SCAF8: variants seen among roughly 807,000 people sequenced by gnomAD.
SCAF8 encodes the protein SR-related and CTD-associated factor 8.
A neutral mutation model predicts 140.5 loss-of-function variants in SCAF8; 23 were observed. The observed-to-expected ratio is 0.16, with a 90% CI of 0.12 to 0.23. The LOEUF (loss-of-function observed/expected upper bound fraction) is 0.23, where lower values mean the gene tolerates loss of function less well. SCAF8 is among the 10% of genes least tolerant of loss of function. SCAF8 has a pLI of 1.00. For synonymous variants in SCAF8, 575 were observed against 528.9 expected (o/e 1.09, Z -1.20); for missense variants, 1,397 against 1,555.7 (o/e 0.90, Z 1.72).
At chr6:154,760,229 G>A (rs1779068383) in intron 1 of SCAF8, among the ~76,000 whole-genome samples, 1 of 152,172 alleles carries the variant, frequency 6.6e-6, no homozygotes, top group African/African-American at 2.4e-5. Context: ...GGGTGGTGGA[G>A]GCTGCAGTGA....
chr6:154,745,730 C>T (rs1043017796), intron 1 of SCAF8, among the ~76,000 whole-genome samples: 12 of 152,202 alleles, frequency 7.9e-5, no homozygotes, highest in East Asian at 5.8e-4. Flanking sequence ...GTTTTGGTGT[C>T]GTCTTATCTG....
At chr6:154,785,856 C>G (rs1354666690) in intron 3 of SCAF8, among the ~76,000 whole-genome samples, 1 of 152,078 alleles carries the variant, frequency 6.6e-6, no homozygotes, top group Non-Finnish European at 1.5e-5. Context: ...CCTTTCTCCC[C>G]CTAAAAAGGC....
intron 8 of SCAF8, among the ~76,000 whole-genome samples, chr6:154,804,171 G>T (rs1017996637): frequency 2.6e-5 from 4 of 152,122 alleles, no homozygotes; most frequent in Non-Finnish European, 4.4e-5. Context: ...GTTGGAGGAG[G>T]CAGGGGTAGA....
At chr6:154,771,449 A>T (rs1305848350) in intron 1 of SCAF8, among the ~76,000 whole-genome samples, 2 of 152,194 alleles carry the variant, frequency 1.3e-5, no homozygotes, top group South Asian at 4.1e-4. Flanking sequence ...ATAGTGTAAG[A>T]TGAGGCTGGA....
chr6:154,762,735 A>G (rs1047548621), intron 1 of SCAF8, among the ~76,000 whole-genome samples: 25 of 152,164 alleles, frequency 1.6e-4, no homozygotes, highest in Non-Finnish European at 1.5e-5. Flanking sequence ...TGGAAGTTTC[A>G]TTACTATCAC....
chr6:154,767,529 C>CTTTTTTT (rs71021076), intron 1 of SCAF8, among the ~76,000 whole-genome samples: 1 of 91,022 alleles, frequency 1.1e-5, no homozygotes, highest in African/African-American at 4.1e-5. Context: ...CTTCTGTTAT[C>CTTTTTTT]TTTTTTTTTT....
intron 1 of SCAF8, among the ~76,000 whole-genome samples, chr6:154,772,190 G>A (rs189269965): frequency 1.2e-4 from 18 of 152,300 alleles, no homozygotes; most frequent in East Asian, 5.8e-4. Context: ...TTTGAATTGC[G>A]TTTAAAATCT....
intron 3 of SCAF8, among the ~76,000 whole-genome samples, 200 bp downstream of exon 3, chr6:154,778,245 A>G (rs1776971766): frequency 6.6e-6 from 1 of 152,162 alleles, no homozygotes; most frequent in Non-Finnish European, 1.5e-5. Flanking sequence ...GCCTATGTTC[A>G]TGTGCCTAAA....
intron 3 of SCAF8, among the ~76,000 whole-genome samples, chr6:154,781,839 C>T (rs1477728271): frequency 2.0e-5 from 3 of 152,126 alleles, no homozygotes; most frequent in African/African-American, 4.8e-5. Context: ...TAAGAAGCTA[C>T]CAAACTGTTT....
At chr6:154,826,919 A>G (rs1056137759) in intron 17 of SCAF8, among the ~76,000 whole-genome samples, 30 of 152,196 alleles carry the variant, frequency 2.0e-4, no homozygotes, top group African/African-American at 7.2e-4. Flanking sequence ...ACCATAGAGC[A>G]TGCTACGGGA....
In SCAF8 at chr6:154,827,844, G is replaced by C. The variant is rs545635447; in HGVS notation, c.2140+604G>C. Reference sequence around the variant, plus strand: ...TTTTTTGGGGCGGGGCGGGGGGGGGGGCGGTGTAAAACTTTATTTTTTAGA... The same window carrying C: ...TTTTTTGGGGCGGGGCGGGGGGGGGCGCGGTGTAAAACTTTATTTTTTAGA... On this transcript the variant is annotated intron_variant, in intron 18 of 19. Transcript: ENST00000367178. 1.5e-4 allele frequency among the ~76,000 whole-genome samples: 23 copies of C among 148,860 alleles called. 1 individual carries two copies. The South Asian group carries it at 4.2e-3, about 27-fold the overall frequency.
intron 1 of SCAF8, among the ~76,000 whole-genome samples, chr6:154,735,943 C>T (rs956290774): frequency 6.6e-6 from 1 of 151,690 alleles, no homozygotes; most frequent in Non-Finnish European, 1.5e-5. Flanking sequence ...CCTCCTCTCA[C>T]CTCAGCCCCC....
chr6:154,832,931 G>A lies in SCAF8; in HGVS notation c.3352G>A (p.Glu1118Lys). ...PVYGGPKGLHEERGRFRSGNY... is the reference protein window; with the variant it reads ...PVYGGPKGLHKERGRFRSGNY... The stretch of plus-strand genomic sequence containing the variant: ...CTATGGTGGTCCAAAAGGCTTACAT[G>A]AAGAAAGAGGTAGATTTCGGTCTGG... Residue 1118 changes from glutamate to lysine, a missense_variant, in exon 20 of 20, where the codon GAA becomes AAA. By Grantham distance (56) the Glu-to-Lys change is moderately conservative. Coordinates refer to ENST00000367178, the MANE Select transcript of SCAF8 (RefSeq NM_014892.5). 6 of 1,614,122 alleles carry A rather than the reference G, an allele frequency of 3.7e-6. No homozygotes were observed. Among genetic ancestry groups the A allele is most frequent in the Non-Finnish European group, 5.1e-6 (6 of 1,180,006 alleles).
chr6:154,818,925 C>T (rs1012141839), intron 14 of SCAF8, among the ~76,000 whole-genome samples: 4 of 152,132 alleles, frequency 2.6e-5, no homozygotes, highest in Non-Finnish European at 5.9e-5. Flanking sequence ...ATAGTATTGT[C>T]TTTCATTCAC....
At chr6:154,775,615 G>A (rs1237332472) in intron 2 of SCAF8, among the ~76,000 whole-genome samples, 1 of 152,112 alleles carries the variant, frequency 6.6e-6, no homozygotes, top group Non-Finnish European at 1.5e-5. Context: ...TCAGTCAAGA[G>A]TCTAACTCTT....
At chr6:154,767,324 T>C (rs1776605602) in intron 1 of SCAF8, among the ~76,000 whole-genome samples, 1 of 152,046 alleles carries the variant, frequency 6.6e-6, no homozygotes, top group African/African-American at 2.4e-5. Flanking sequence ...ACCCTCCTGC[T>C]TTAAATCCTG....
chr6:154,762,963 T>C (rs113980118), intron 1 of SCAF8, among the ~76,000 whole-genome samples: 55 of 152,332 alleles, frequency 3.6e-4, no homozygotes, highest in African/African-American at 1.1e-3. Context: ...TTCACTTGTG[T>C]CATTCCTGCC....
chr6:154,820,381 A>G (rs1467130553), intron 15 of SCAF8, 48 bp downstream of exon 15: 2 of 1,502,748 alleles, frequency 1.3e-6, no homozygotes, highest in Non-Finnish European at 1.8e-6. Context: ...TATGCTTAGA[A>G]GGTTGTAGCT....
chr6:154,750,840 A>T (rs1778819670), intron 1 of SCAF8, among the ~76,000 whole-genome samples: 1 of 151,788 alleles, frequency 6.6e-6, no homozygotes. Flanking sequence ...CAATTCTGGT[A>T]TTTTTTTTGC....
Sources: allele counts gnomAD v4.1 joint callset (sites outside exome capture counted in the v4.1 genomes callset), GRCh38; gene constraint gnomAD v4.1.1; transcripts MANE v1.5; gene names NCBI Gene and HGNC (gene_info 2026-07-23, HGNC 2026-07-21).